TMEM108: variants seen among roughly 807,000 people sequenced by gnomAD.
The protein encoded by TMEM108 is transmembrane protein 108.
Under a neutral mutation model 35.1 loss-of-function variants are expected in TMEM108, and 12 were observed. The ratio of observed to expected loss-of-function variants is 0.34; its 90% CI spans 0.22 to 0.55. TMEM108 has a LOEUF of 0.55. Ranked by LOEUF, TMEM108 falls within the 20% of genes least tolerant of loss-of-function variation. The pLI is 0.89. For missense variants in TMEM108, 680 were observed against 753.3 expected (o/e 0.90, Z 1.14); for synonymous variants, 287 against 308.6 (o/e 0.93, Z 0.73).
At chr3:133,126,827 AATC>A (rs1000218496) in intron 2 of TMEM108, among the ~76,000 whole-genome samples, 17 of 152,162 alleles carry the variant, frequency 1.1e-4, no homozygotes, top group African/African-American at 4.1e-4. Context: ...ATATATTTTA[AATC>A]ATCTTTAGAT....
At chr3:133,371,315 A>G (rs1459939156) in intron 3 of TMEM108, among the ~76,000 whole-genome samples, 1 of 152,180 alleles carries the variant, frequency 6.6e-6, no homozygotes, top group African/African-American at 2.4e-5. Context: ...CCCCAGACTC[A>G]GCTGCATGGG....
At chr3:133,075,489 G>C (rs1283475980) in intron 2 of TMEM108, among the ~76,000 whole-genome samples, 1 of 152,086 alleles carries the variant, frequency 6.6e-6, no homozygotes. Context: ...CTATTTTGCT[G>C]TGATTTCTAG....
At chr3:133,089,428 A>G (rs1379959754) in intron 2 of TMEM108, among the ~76,000 whole-genome samples, 1 of 152,232 alleles carries the variant, frequency 6.6e-6, no homozygotes, top group Non-Finnish European at 1.5e-5. Context: ...AAGAAAATGC[A>G]TATGAATCTT....
At chr3:133,145,878 G>C (rs1944712328) in intron 2 of TMEM108, among the ~76,000 whole-genome samples, 1 of 152,140 alleles carries the variant, frequency 6.6e-6, no homozygotes, top group Non-Finnish European at 1.5e-5. Context: ...GAGACGATGG[G>C]GTTTTCTAAA....
chr3:133,099,300 G>A (rs370202927), intron 2 of TMEM108, among the ~76,000 whole-genome samples: 101 of 152,250 alleles, frequency 6.6e-4, no homozygotes, highest in African/African-American at 2.3e-3. Flanking sequence ...TAGGCTGCAC[G>A]CAGCATGGGG....
At chr3:133,326,645 T>G (rs143319601) in intron 3 of TMEM108, among the ~76,000 whole-genome samples, 14 of 152,210 alleles carry the variant, frequency 9.2e-5, no homozygotes, top group African/African-American at 3.4e-4. Context: ...TGACTGACAT[T>G]TTCCTAGATC....
At chr3:133,181,017 A>AAAAAAAAAAAAAC (rs1559859741) in intron 2 of TMEM108, among the ~76,000 whole-genome samples, 19 of 78,556 alleles carry the variant, frequency 2.4e-4, no homozygotes, top group Non-Finnish European at 2.1e-4. Context: ...TTAAAAAAAA[A>AAAAAAAAAAAAAC]AAAAAAAAAA....
chr3:133,355,759 T>C (rs1313329145), intron 3 of TMEM108, among the ~76,000 whole-genome samples: 1 of 152,176 alleles, frequency 6.6e-6, no homozygotes, highest in African/African-American at 2.4e-5. Context: ...TTACTATAAC[T>C]GAAGGCAGCA....
intron 3 of TMEM108, among the ~76,000 whole-genome samples, chr3:133,349,573 A>G (rs1376508773): frequency 1.3e-5 from 2 of 149,084 alleles, no homozygotes; most frequent in African/African-American, 4.9e-5. Flanking sequence ...TATCCAGACT[A>G]TATAAGGAAC....
intron 3 of TMEM108, among the ~76,000 whole-genome samples, chr3:133,347,753 C>A (rs757124181): frequency 2.6e-5 from 4 of 151,918 alleles, no homozygotes; most frequent in Non-Finnish European, 5.9e-5. Context: ...TTAATAAAAA[C>A]GTAATACTTC....
chr3:133,132,888 A>G (rs184859595), intron 2 of TMEM108, among the ~76,000 whole-genome samples: 1 of 152,250 alleles, frequency 6.6e-6, no homozygotes, highest in Admixed American at 6.5e-5. Flanking sequence ...TCCAATCCTC[A>G]TGGATGACTT....
chr3:133,232,078 T>C (rs778749155), intron 3 of TMEM108, among the ~76,000 whole-genome samples: 4 of 152,158 alleles, frequency 2.6e-5, no homozygotes, highest in Non-Finnish European at 5.9e-5. Context: ...ATAGCTAAGA[T>C]AGGGAGAGTT....
chr3:133,103,921 T>TA (rs1305895079), intron 2 of TMEM108, among the ~76,000 whole-genome samples: 3 of 152,212 alleles, frequency 2.0e-5, no homozygotes, highest in African/African-American at 7.2e-5. Context: ...TGGCATGCAG[T>TA]ATGCCTTCAG....
chr3:133,179,615 A>G (rs58203484), intron 2 of TMEM108, among the ~76,000 whole-genome samples: 12 of 150,170 alleles, frequency 8.0e-5, no homozygotes, highest in African/African-American at 1.9e-4. Flanking sequence ...ATGAGAACAC[A>G]TGGACACAGG....
chr3:133,387,590 G>T, intron 4 of TMEM108: 6 of 963,536 alleles, frequency 6.2e-6, no homozygotes, highest in Non-Finnish European at 7.4e-6. Flanking sequence ...GCCCAGGTTA[G>T]CAGCATGGCC....
intron 3 of TMEM108, among the ~76,000 whole-genome samples, chr3:133,262,551 A>T (rs1314367816): frequency 6.6e-6 from 1 of 152,254 alleles, no homozygotes; most frequent in Non-Finnish European, 1.5e-5. Flanking sequence ...GTGAGCTTTT[A>T]TCTTCACTGC....
chr3:133,392,728 C>A (rs1241830872), intron 5 of TMEM108, among the ~76,000 whole-genome samples: 3 of 152,136 alleles, frequency 2.0e-5, no homozygotes, highest in Non-Finnish European at 2.9e-5. Context: ...TTCCTGCACA[C>A]CCCACTTCTA....
At chr3:133,327,065 C>T (rs1205136841) in intron 3 of TMEM108, among the ~76,000 whole-genome samples, 2 of 148,800 alleles carry the variant, frequency 1.3e-5, no homozygotes, top group East Asian at 4.5e-4. Context: ...AGGTGGACTC[C>T]CCAGGCTGTG....
chr3:133,129,061 C>G (rs1334367544), intron 2 of TMEM108, among the ~76,000 whole-genome samples: 1 of 152,142 alleles, frequency 6.6e-6, no homozygotes, highest in Non-Finnish European at 1.5e-5. Context: ...TAAAACAAAA[C>G]AGGCTGGGCA....
Sources: allele counts gnomAD v4.1 joint callset (sites outside exome capture counted in the v4.1 genomes callset), GRCh38; gene constraint gnomAD v4.1.1; transcripts MANE v1.5; gene names NCBI Gene and HGNC (gene_info 2026-07-23, HGNC 2026-07-21).